The following TUSC3 variants were observed in gnomAD, a reference collection of about 807,000 sequenced individuals.
TUSC3 encodes dolichyl-diphosphooligosaccharide--protein glycosyltransferase subunit TUSC3.
Under a neutral mutation model 44.8 loss-of-function variants are expected in TUSC3, and 45 were observed. That is an observed-to-expected ratio of 1.00 (90% confidence interval 0.79 to 1.29). The LOEUF (loss-of-function observed/expected upper bound fraction) is 1.29, where lower values mean the gene tolerates loss of function less well. TUSC3 is among the 50% of genes most tolerant of loss of function. The pLI is 0.00. For synonymous variants in TUSC3, 212 were observed against 152.9 expected (o/e 1.39, Z -2.85); for missense variants, 519 against 437.9 (o/e 1.19, Z -1.65).
intron 1 of TUSC3, among the ~76,000 whole-genome samples, chr8:15,433,397 A>G (rs1003468532): frequency 6.6e-6 from 1 of 152,202 alleles, no homozygotes. Flanking sequence ...TATAACTTAC[A>G]TAAAATGGAA....
chr8:15,587,776 A>G (rs1258663556), intron 1 of TUSC3, among the ~76,000 whole-genome samples: 1 of 152,082 alleles, frequency 6.6e-6, no homozygotes, highest in African/African-American at 2.4e-5. Context: ...CTCTACTAGT[A>G]TGAACTCATT....
rs567326223 is a variant in TUSC3 at position 15,757,851 on chromosome 8, C to G, written c.*42C>G. On this transcript the variant is annotated 3_prime_UTR_variant, in exon 10 of 11. Transcript: ENST00000503731. ...CCATGGCACTTAAAAACTCTATAACCTCAGGCAAGTCTTTTAATCTTCTCT... is the reference window on the plus strand; with the variant it reads ...CCATGGCACTTAAAAACTCTATAACGTCAGGCAAGTCTTTTAATCTTCTCT... The G allele has an allele frequency of 9.4e-6, 13 of 1,377,206 alleles. No homozygotes were observed. Among genetic ancestry groups the G allele is most frequent in the Non-Finnish European group, 1.2e-5 (12 of 964,366 alleles). The allele number at this position is 1,377,206 out of a possible 1,614,324, so 85.3% of individuals were successfully genotyped here.
At chr8:15,459,805 C>T (rs114885546) in intron 1 of TUSC3, among the ~76,000 whole-genome samples, 2,696 of 151,844 alleles carry the variant, frequency 0.018, 85 homozygotes, top group African/African-American at 0.061. Context: ...TTAATTCATT[C>T]CCTTTTATGG....
Position 15,561,893 on chromosome 8 carries a change from C to T in TUSC3, c.138+21325C>T, listed in dbSNP as rs1236616186. 4.6e-5 allele frequency among the ~76,000 whole-genome samples: 7 copies of T among 152,300 alleles called. No individual in the cohort carries two copies. In the East Asian group the frequency reaches 1.4e-3, roughly 29 times the overall value. ...CACGGTGTGCGCACCCACTCTCCTG[C>T]ACCCACTGTCTGGCACTCCCTAGTG... On this transcript the variant is annotated intron_variant, in intron 1 of 10. Transcript: ENST00000503731.
chr8:15,687,285 A>G (rs1482615934), intron 6 of TUSC3, among the ~76,000 whole-genome samples: 1 of 152,102 alleles, frequency 6.6e-6, no homozygotes, highest in Non-Finnish European at 1.5e-5. Flanking sequence ...GTGGGGATAC[A>G]TAATATGATA....
At position 15,742,858 on chromosome 8, in the gene TUSC3, A is replaced by G. The variant is rs1403349569; in HGVS notation, c.863-680A>G. Among the ~76,000 whole-genome samples the G allele has an allele frequency of 2.6e-5, 4 of 152,188 alleles. No individual in the cohort carries two copies. The East Asian group carries it at 5.8e-4, about 22-fold the overall frequency. On this transcript the variant is annotated intron_variant, in intron 7 of 10. Transcript: ENST00000503731. ...AAAGAATGTTTTTATGAAGATGAAA[A>G]TTTCCCATTTTCTTAATTCTGGCAT... is the stretch of plus-strand genomic sequence containing the variant.
chr8:15,713,571 G>C (rs1020196985), intron 6 of TUSC3, among the ~76,000 whole-genome samples: 1 of 152,058 alleles, frequency 6.6e-6, no homozygotes, highest in African/African-American at 2.4e-5. Flanking sequence ...TCAGGATTAC[G>C]AAGCCTACAC....
chr8:15,648,642 C>T (rs1028631587), intron 2 of TUSC3, among the ~76,000 whole-genome samples: 9 of 143,050 alleles, frequency 6.3e-5, no homozygotes, highest in South Asian at 4.5e-4. Context: ...AGGAGAATGG[C>T]GTCAACCCAG....
rs1262644230 is a variant in TUSC3 at position 15,673,748 on chromosome 8, G to T, written c.710G>T (p.Cys237Phe). ...GAAACACTGCACCCTGTTTTTCAGT[G>T]TATAGTCTTTGCTATGACTTCTGGC... ...NKTGWAMVSL[C>F]IVFAMTSGQM... The change falls in exon 6 of 11, where the codon TGT becomes TTT. Residue 237 changes from cysteine (C) to phenylalanine (F), a missense_variant and splice_region_variant. Transcript: ENST00000503731. 6.2e-7 allele frequency: 1 copy of T among 1,612,146 alleles called. No individual in the cohort carries two copies. Among genetic ancestry groups the T allele is most frequent in the African/African-American group, 1.3e-5 (1 of 74,936 alleles).
chr8:15,716,562 T>C (rs28732680), intron 6 of TUSC3, among the ~76,000 whole-genome samples: 47,403 of 151,960 alleles, frequency 0.31, 7,572 homozygotes, highest in East Asian at 0.48. Flanking sequence ...TGTAATACAC[T>C]GATACACGTG....
At chr8:15,580,807 C>G (rs550399773) in intron 1 of TUSC3, among the ~76,000 whole-genome samples, 2 of 140,684 alleles carry the variant, frequency 1.4e-5, no homozygotes, top group East Asian at 2.1e-4. Flanking sequence ...TGGAGTTGCT[C>G]TTCTCGAGGA....
intron 6 of TUSC3, 112 bp downstream of exon 6, chr8:15,673,948 A>G: frequency 1.1e-6 from 1 of 898,898 alleles, no homozygotes; most frequent in Non-Finnish European, 1.7e-6. Context: ...CAGTCAAAAT[A>G]TATATTCTTT....
At chr8:15,642,687 A>AAT (rs954432497) in intron 2 of TUSC3, among the ~76,000 whole-genome samples, 6 of 151,974 alleles carry the variant, frequency 3.9e-5, no homozygotes, top group Non-Finnish European at 7.4e-5. Flanking sequence ...CAGGTTTTGC[A>AAT]ATATATATAT....
At chr8:15,628,656 T>A (rs1218430990) in intron 2 of TUSC3, among the ~76,000 whole-genome samples, 3 of 152,154 alleles carry the variant, frequency 2.0e-5, no homozygotes, top group Non-Finnish European at 4.4e-5. Flanking sequence ...AGCTTTTGTA[T>A]TTTATTCACT....
At chr8:15,731,085 AAAGGTATTTTCGT>A (rs1265012699) in intron 7 of TUSC3, among the ~76,000 whole-genome samples, 1 of 152,088 alleles carries the variant, frequency 6.6e-6, no homozygotes, top group African/African-American at 2.4e-5. Context: ...GCAGCTTAAA[AAAGGTATTTTCGT>A]ACTGCTCCCC....
chr8:15,814,482 C>A, the TUSC3 span, among the ~76,000 whole-genome samples: 1 of 152,266 alleles, frequency 6.6e-6, no homozygotes, highest in Admixed American at 6.5e-5. Flanking sequence ...AATGCGTTGC[C>A]AATATGTATA....
chr8:15,830,982 T>TG, the TUSC3 span, among the ~76,000 whole-genome samples: 2 of 147,188 alleles, frequency 1.4e-5, no homozygotes, highest in Admixed American at 1.4e-4. Flanking sequence ...ACTGCTGGCA[T>TG]GTGCAAGCAA....
chr8:15,816,666 C>T, the TUSC3 span, among the ~76,000 whole-genome samples: 11 of 152,150 alleles, frequency 7.2e-5, no homozygotes, highest in African/African-American at 7.2e-5. Flanking sequence ...TTTTTAACTA[C>T]GTTTTTGTTT....
intron 1 of TUSC3, among the ~76,000 whole-genome samples, chr8:15,443,885 C>T (rs1408684279): frequency 6.6e-6 from 1 of 152,046 alleles, no homozygotes; most frequent in African/African-American, 2.4e-5. Context: ...TTGTGGCCCC[C>T]ACCCGGGAAC....
Sources: gnomAD v4.1 joint callset for allele counts (sites outside exome capture counted in the v4.1 genomes callset) on GRCh38, gnomAD v4.1.1 for gene constraint, MANE v1.5 for transcripts, NCBI Gene and HGNC (gene_info 2026-07-23, HGNC 2026-07-21) for gene names.